The following ST6GALNAC5 variants were observed in gnomAD, a reference collection of about 807,000 sequenced individuals.
ST6GALNAC5 encodes ST6 N-acetylgalactosaminide alpha-2,6-sialyltransferase 5, also known as alpha-N-acetylgalactosaminide alpha-2,6-sialyltransferase 5.
ST6GALNAC5 carries 27 observed loss-of-function variants against 33.6 expected under a neutral mutation model. The ratio of observed to expected loss-of-function variants is 0.80; its 90% CI spans 0.59 to 1.11. ST6GALNAC5 has a LOEUF of 1.11. Ranked by LOEUF, ST6GALNAC5 falls within the 50% of genes least tolerant of loss-of-function variation. The pLI, the probability that ST6GALNAC5 is intolerant of heterozygous loss-of-function variation, is 0.00. For missense variants in ST6GALNAC5, 428 were observed against 454.0 expected (o/e 0.94, Z 0.52); for synonymous variants, 194 against 171.2 (o/e 1.13, Z -1.04).
intron 2 of ST6GALNAC5, among the ~76,000 whole-genome samples, chr1:76,980,509 G>A (rs1228489562): frequency 2.0e-5 from 3 of 152,128 alleles, no homozygotes; most frequent in Non-Finnish European, 4.4e-5. Flanking sequence ...CTATATCTAT[G>A]TCATTTAGCA....
At chr1:76,883,315 A>G (rs1197926570) in intron 2 of ST6GALNAC5, among the ~76,000 whole-genome samples, 3 of 152,316 alleles carry the variant, frequency 2.0e-5, no homozygotes, top group East Asian at 3.9e-4. Flanking sequence ...TACCTTTTTG[A>G]GGCTAAGAAC....
At chr1:76,913,027 A>C (rs1310112014) in intron 2 of ST6GALNAC5, among the ~76,000 whole-genome samples, 1 of 152,030 alleles carries the variant, frequency 6.6e-6, no homozygotes, top group Non-Finnish European at 1.5e-5. Context: ...TGGTCTTTAC[A>C]TTTTGGCATG....
chr1:76,953,305 G>C (rs931988077), intron 2 of ST6GALNAC5, among the ~76,000 whole-genome samples: 2 of 152,118 alleles, frequency 1.3e-5, no homozygotes, highest in African/African-American at 4.8e-5. Context: ...TCATGTATGA[G>C]AGATCAAGCT....
chr1:77,034,542 T>C (rs1651580661), intron 2 of ST6GALNAC5, among the ~76,000 whole-genome samples: 1 of 152,170 alleles, frequency 6.6e-6, no homozygotes, highest in Non-Finnish European at 1.5e-5. Flanking sequence ...CTGTCCCACC[T>C]CTAAGGGGAT....
chr1:76,968,772 C>T (rs547171318), intron 2 of ST6GALNAC5, among the ~76,000 whole-genome samples: 1 of 152,182 alleles, frequency 6.6e-6, no homozygotes, highest in Non-Finnish European at 1.5e-5. Context: ...GTAAGGCAGG[C>T]CTGGTGGTGA....
chr1:76,880,883 T>C (rs1653764503), intron 2 of ST6GALNAC5, among the ~76,000 whole-genome samples: 1 of 152,360 alleles, frequency 6.6e-6, no homozygotes, highest in Admixed American at 6.5e-5. Flanking sequence ...CAGTCAGGTC[T>C]GTCTTAGAAA....
intron 4 of ST6GALNAC5, among the ~76,000 whole-genome samples, chr1:77,054,781 C>T (rs1443448610): frequency 6.6e-6 from 1 of 152,042 alleles, no homozygotes; most frequent in Non-Finnish European, 1.5e-5. Flanking sequence ...ACCCAAAGGG[C>T]CTGAGTTACT....
Position 77,044,197 on chromosome 1 carries a change from C to T in ST6GALNAC5, c.262-7C>T, listed in dbSNP as rs200277344. The T allele has an allele frequency of 5.4e-4, 853 of 1,588,816 alleles. No homozygotes were observed. The highest frequency in any genetic ancestry group is 6.9e-4 in the Non-Finnish European group (801 of 1,164,240). ...CCTGACAGTGTCCTTCTCCCCCTGC[C>T]TTCCAGCCCCTGAAAATGCACTGCA... is the stretch of plus-strand genomic sequence containing the variant. On this transcript the variant is annotated splice_polypyrimidine_tract_variant and splice_region_variant and intron_variant, in intron 2 of 4. Transcript: ENST00000477717.
At chr1:77,016,823 A>C (rs967337739) in intron 2 of ST6GALNAC5, among the ~76,000 whole-genome samples, 1 of 152,208 alleles carries the variant, frequency 6.6e-6, no homozygotes, top group Non-Finnish European at 1.5e-5. Context: ...CACTGCACTG[A>C]AATTAGAATC....
At chr1:76,872,117 A>ACACC (rs1653523363) in intron 2 of ST6GALNAC5, among the ~76,000 whole-genome samples, 3 of 125,924 alleles carry the variant, frequency 2.4e-5, no homozygotes, top group Admixed American at 7.6e-5. Context: ...ACACACACAC[A>ACACC]CCACACACAT....
intron 2 of ST6GALNAC5, among the ~76,000 whole-genome samples, chr1:76,989,338 T>G (rs1649631842): frequency 6.6e-6 from 1 of 152,010 alleles, no homozygotes; most frequent in Admixed American, 6.6e-5. Context: ...ATATCTTATC[T>G]CTTCCTGCTA....
chr1:77,066,637 G>A lies in ST6GALNAC5; in HGVS notation c.*3431G>A, dbSNP rs1652788436. 1.3e-5 allele frequency among the ~76,000 whole-genome samples: 2 copies of A among 152,208 alleles called. No homozygotes were observed. Among genetic ancestry groups the A allele is most frequent in the Admixed American group, 6.5e-5 (1 of 15,280 alleles). ...GAAATATATCCTGAATTCCACCAGGGTGATGGTTCAAATTGTTAAATAAAC... is the reference window on the plus strand; with the variant it reads ...GAAATATATCCTGAATTCCACCAGGATGATGGTTCAAATTGTTAAATAAAC... On this transcript the variant is annotated 3_prime_UTR_variant, in exon 5 of 5. Transcript: ENST00000477717.
At chr1:77,028,831 G>A (rs1160372085) in intron 2 of ST6GALNAC5, among the ~76,000 whole-genome samples, 2 of 152,226 alleles carry the variant, frequency 1.3e-5, no homozygotes, top group African/African-American at 4.8e-5. Context: ...GTTGGTAAGT[G>A]ATGGGATTTG....
intron 2 of ST6GALNAC5, among the ~76,000 whole-genome samples, chr1:77,035,559 C>T (rs1432204375): frequency 1.3e-5 from 2 of 152,138 alleles, no homozygotes; most frequent in Non-Finnish European, 2.9e-5. Context: ...TGAATGTTGG[C>T]TTGGAGCCCA....
intron 2 of ST6GALNAC5, among the ~76,000 whole-genome samples, chr1:76,998,550 T>G (rs1280777322): frequency 6.6e-6 from 1 of 152,182 alleles, no homozygotes. Flanking sequence ...TTAATTATGG[T>G]CACTGAGAAG....
chr1:76,880,930 G>A (rs1522626), intron 2 of ST6GALNAC5, among the ~76,000 whole-genome samples: 2 of 152,184 alleles, frequency 1.3e-5, no homozygotes, highest in African/African-American at 4.8e-5. Context: ...TCCGTAACCT[G>A]TAGGGTGAAG....
intron 2 of ST6GALNAC5, among the ~76,000 whole-genome samples, chr1:77,004,120 C>A (rs1030407429): frequency 4.9e-4 from 75 of 151,602 alleles, no homozygotes; most frequent in African/African-American, 1.8e-3. Flanking sequence ...CCATCACTTT[C>A]AAGTACACCA....
rs550346085 is a variant in ST6GALNAC5, at chr1:76,985,566, A to G, written c.262-58638A>G. Among the ~76,000 whole-genome samples, 4 of 152,282 alleles carry G rather than the reference A, an allele frequency of 2.6e-5. No homozygotes were observed. The South Asian group carries it at 6.2e-4, about 24-fold the overall frequency. Reference sequence around the variant, plus strand: ...CTCATGGATAGGAAGAATCAATATCATGAAAATGGCCACACTGCCCAGGGT... The same window carrying G: ...CTCATGGATAGGAAGAATCAATATCGTGAAAATGGCCACACTGCCCAGGGT... On this transcript the variant is annotated intron_variant, in intron 2 of 4. Coordinates refer to ENST00000477717, the MANE Select transcript of ST6GALNAC5 (RefSeq NM_030965.3).
chr1:76,994,355 C>A (rs983257364), intron 2 of ST6GALNAC5, among the ~76,000 whole-genome samples: 8 of 152,132 alleles, frequency 5.3e-5, no homozygotes, highest in African/African-American at 1.9e-4. Context: ...GGCTCTCTTT[C>A]CAAAATGACT....
Sources: allele counts gnomAD v4.1 joint callset (sites outside exome capture counted in the v4.1 genomes callset), GRCh38; gene constraint gnomAD v4.1.1; transcripts MANE v1.5; gene names NCBI Gene and HGNC (gene_info 2026-07-23, HGNC 2026-07-21).